The following ATRNL1 variants were observed in gnomAD, a reference collection of about 807,000 sequenced individuals.
ATRNL1 encodes attractin-like protein 1.
In ATRNL1, 95 loss-of-function variants were observed where a neutral mutation model predicts 182.7. That is an observed-to-expected ratio of 0.52 (90% confidence interval 0.44 to 0.62). ATRNL1 has a LOEUF of 0.62. ATRNL1 is among the 20% of genes least tolerant of loss of function. The pLI, the probability that ATRNL1 is intolerant of heterozygous loss-of-function variation, is 0.00. For missense variants in ATRNL1, 1,471 were observed against 1,679.5 expected, an observed-to-expected ratio of 0.88 and a Z score of 2.17; for synonymous variants, 576 against 568.3, an observed-to-expected ratio of 1.01 and a Z score of -0.19.
chr10:115,224,378 T>C (rs991486943), intron 9 of ATRNL1, among the ~76,000 whole-genome samples: 34 of 152,092 alleles, frequency 2.2e-4, no homozygotes, highest in African/African-American at 7.2e-4. Context: ...TCTAAAAGTC[T>C]GAAAATCAGT....
At chr10:115,141,980 CT>C (rs144671186) in intron 5 of ATRNL1, among the ~76,000 whole-genome samples, 9 of 151,940 alleles carry the variant, frequency 5.9e-5, no homozygotes, top group Non-Finnish European at 8.8e-5. Flanking sequence ...GTAACAGTTT[CT>C]TTTTTTGAGC....
At chr10:115,736,208 T>C (rs782749995) in intron 27 of ATRNL1, among the ~76,000 whole-genome samples, 1 of 152,150 alleles carries the variant, frequency 6.6e-6, no homozygotes, top group Non-Finnish European at 1.5e-5. Flanking sequence ...CTGTTTTGTT[T>C]TCTATCTCCT....
intron 25 of ATRNL1, among the ~76,000 whole-genome samples, chr10:115,545,441 A>G (rs1554993422): frequency 1.3e-5 from 2 of 152,096 alleles, no homozygotes; most frequent in African/African-American, 4.8e-5. Context: ...TTTACTGCTA[A>G]CCTAATAGGA....
intron 24 of ATRNL1, among the ~76,000 whole-genome samples, chr10:115,488,361 T>A (rs1849130149): frequency 6.6e-6 from 1 of 152,186 alleles, no homozygotes; most frequent in Non-Finnish European, 1.5e-5. Context: ...TGGACTTTTT[T>A]TGGTTGGTAC....
intron 26 of ATRNL1, among the ~76,000 whole-genome samples, chr10:115,633,722 G>A (rs1858674675): frequency 1.3e-5 from 2 of 152,106 alleles, no homozygotes; most frequent in African/African-American, 4.8e-5. Flanking sequence ...CTGAAAGCAA[G>A]ATCTAATATA....
chr10:115,330,881 T>C (rs1161656474), intron 18 of ATRNL1, among the ~76,000 whole-genome samples: 1 of 152,036 alleles, frequency 6.6e-6, no homozygotes, highest in African/African-American at 2.4e-5. Flanking sequence ...CCCATTTTCA[T>C]TTTTTATTCT....
chr10:115,578,103 T>C (rs2784811), intron 26 of ATRNL1, among the ~76,000 whole-genome samples: 73,810 of 151,610 alleles, frequency 0.49, 19,181 homozygotes, highest in East Asian at 0.84. Context: ...AGAATAAATT[T>C]CACTTAGTCA....
chr10:115,743,656 A>G lies in ATRNL1; in HGVS notation c.3903+16301A>G, dbSNP rs186235375. ...ATCTTAAAAAATATTTGAGTTACAA[A>G]GTAATTAGGACTGCCTGATTTTGCT... On this transcript the variant is annotated intron_variant, in intron 27 of 28. Transcript: ENST00000355044. 2.1e-3 allele frequency among the ~76,000 whole-genome samples: 314 copies of G among 152,252 alleles called. 4 individuals are homozygous for G. The highest frequency in any genetic ancestry group is 0.016 in the Admixed American group (252 of 15,282).
At chr10:115,679,338 G>T (rs1945973264) in intron 26 of ATRNL1, among the ~76,000 whole-genome samples, 2 of 151,686 alleles carry the variant, frequency 1.3e-5, no homozygotes, top group East Asian at 1.9e-4. Flanking sequence ...TTAATTCCAG[G>T]TTTGTTGTTC....
rs1554955081 is a variant in ATRNL1 at position 115,394,647 on chromosome 10, T to G, written c.3176-12T>G. On this transcript the variant is annotated splice_polypyrimidine_tract_variant and intron_variant, in intron 19 of 28. Transcript: ENST00000355044. ...GTAGAATATTCAATATCATTTTGGT[T>G]TTGACTTACAGCTTGTACATGCAGT... 2 of 1,606,060 alleles carry G rather than the reference T, an allele frequency of 1.2e-6. No individual in the cohort carries two copies. The highest frequency in any genetic ancestry group is 3.3e-5 in the Admixed American group (2 of 59,790).
At chr10:115,194,471 C>G (rs182525882) in intron 8 of ATRNL1, among the ~76,000 whole-genome samples, 180 of 151,864 alleles carry the variant, frequency 1.2e-3, no homozygotes, top group African/African-American at 4.1e-3. Context: ...GTTTTTTTCT[C>G]TTGAAACCTA....
rs1213005538 is a variant in ATRNL1 at position 115,812,534 on chromosome 10, T to C, written c.3904-35343T>C. On this transcript the variant is annotated intron_variant, in intron 27 of 28. Transcript: ENST00000355044. ...TCTTGTTGCCCAAGCTGGAGTGCAA[T>C]GGCACGATCTCGGCTCACTGCAGTC... 2.0e-5 allele frequency among the ~76,000 whole-genome samples: 3 copies of C among 152,198 alleles called. No homozygotes were observed. In the East Asian group the frequency reaches 5.8e-4, roughly 29 times the overall value.
rs2907524 is a variant in ATRNL1 at position 115,752,413 on chromosome 10, A to T, written c.3903+25058A>T. ...ATTATGAGCAAACTCTGTTATAGGC[A>T]GTAGGGTTCAGTGATTTTTAAAACA... On this transcript the variant is annotated intron_variant, in intron 27 of 28. Transcript: ENST00000355044. 3.3e-5 allele frequency among the ~76,000 whole-genome samples: 5 copies of T among 152,074 alleles called. 1 individual carries two copies. In the East Asian group the frequency reaches 9.7e-4, roughly 29 times the overall value.
intron 20 of ATRNL1, among the ~76,000 whole-genome samples, chr10:115,408,089 C>T (rs922556214): frequency 4.0e-5 from 6 of 149,044 alleles, no homozygotes; most frequent in East Asian, 2.0e-4. Context: ...CTGCAAGCTC[C>T]GCTTCCCGGG....
intron 20 of ATRNL1, among the ~76,000 whole-genome samples, chr10:115,408,097 G>A (rs112808249): frequency 0.012 from 1,665 of 144,754 alleles, 13 homozygotes; most frequent in South Asian, 0.034. Context: ...TCCGCTTCCC[G>A]GGTTCACGCC....
At position 115,265,226 on chromosome 10, in the gene ATRNL1, A is replaced by G. The variant is rs1554910187; in HGVS notation, c.1721A>G (p.Asn574Ser). The change falls in exon 11 of 29, where the codon AAT (asparagine) becomes AGT (serine). Residue 574 changes from asparagine (N) to serine (S), a missense_variant. By Grantham distance (46) the Asn-to-Ser change is conservative (BLOSUM62 1). Around this residue, in one of 3 missense-constraint regions of ATRNL1, gnomAD observed 1,031 missense variants for 1,156.0 expected, o/e 0.89. Transcript: ENST00000355044. ...CDEWKILPKP[N>S]LHRDVNRFGH... is the part of the protein sequence containing the mutation. ...GAATGGAAAATACTACCAAAACCAA[A>G]TCTTCATAGAGATGTCAACAGATTT... 5.0e-6 allele frequency: 8 copies of G among 1,608,778 alleles called. No individual in the cohort carries two copies. The highest frequency in any genetic ancestry group is 5.1e-6 in the Non-Finnish European group (6 of 1,176,826).
intron 8 of ATRNL1, among the ~76,000 whole-genome samples, chr10:115,210,081 G>C (rs782271173): frequency 4.6e-5 from 7 of 151,872 alleles, no homozygotes; most frequent in Non-Finnish European, 8.8e-5. Flanking sequence ...GTGAAATACT[G>C]TATTTCATAA....
chr10:115,790,794 A>G (rs1329051192), intron 27 of ATRNL1, among the ~76,000 whole-genome samples: 1 of 152,196 alleles, frequency 6.6e-6, no homozygotes, highest in Non-Finnish European at 1.5e-5. Context: ...AGCTTAAAGT[A>G]GAAAGAATTA....
chr10:115,110,704 G>A lies in ATRNL1; in HGVS notation c.294-9481G>A, dbSNP rs144815848. 3.6e-3 allele frequency among the ~76,000 whole-genome samples: 555 copies of A among 152,216 alleles called. 2 individuals carry two copies. The highest frequency in any genetic ancestry group is 0.013 in the African/African-American group (522 of 41,540). On this transcript the variant is annotated intron_variant, in intron 1 of 28. Coordinates refer to ENST00000355044, the MANE Select transcript of ATRNL1 (RefSeq NM_207303.4). ...TTAGGGGCATATTTAGCAATACATA[G>A]TTGAAAAAAGTTATTCTGGCTGAAT...
Sources: gnomAD v4.1 joint callset for allele counts (sites outside exome capture counted in the v4.1 genomes callset) on GRCh38, gnomAD v4.1.1 for gene constraint, gnomAD v4.1.1 regional missense constraint, MANE v1.5 for transcripts, NCBI Gene and HGNC (gene_info 2026-07-23, HGNC 2026-07-21) for gene names.